ROCK1: variants seen among roughly 807,000 people sequenced by gnomAD.
The protein encoded by ROCK1 is rho-associated protein kinase 1.
A neutral mutation model predicts 196.8 loss-of-function variants in ROCK1; 36 were observed. That is an observed-to-expected ratio of 0.18 (90% CI 0.14 to 0.24). ROCK1 has a LOEUF of 0.24. ROCK1 is among the 10% of genes least tolerant of loss of function. ROCK1 has a pLI of 1.00. For missense variants in ROCK1, 920 were observed against 1,562.0 expected (o/e 0.59, Z 6.93); for synonymous variants, 443 against 515.9 (o/e 0.86, Z 1.91).
chr18:20,959,119 T>TATATTATATAA (rs2035294431), intron 29 of ROCK1, among the ~76,000 whole-genome samples: 4 of 54,658 alleles, frequency 7.3e-5, no homozygotes, highest in East Asian at 1.2e-3. Flanking sequence ...ATATATTATA[T>TATATTATATAA]AATATATATA....
intron 21 of ROCK1, 42 bp downstream of exon 21, chr18:20,982,721 G>C (rs1352390885): frequency 3.3e-6 from 3 of 907,564 alleles, no homozygotes; most frequent in African/African-American, 3.3e-5. Flanking sequence ...TTTTAAGTCA[G>C]GTTTTGAAAC....
At chr18:21,047,659 T>C (rs1302156681) in intron 4 of ROCK1, among the ~76,000 whole-genome samples, 6 of 152,096 alleles carry the variant, frequency 3.9e-5, no homozygotes, top group Admixed American at 1.3e-4. Flanking sequence ...CCGGGCGTGG[T>C]GGCAGGCACC....
intron 2 of ROCK1, among the ~76,000 whole-genome samples, chr18:21,057,650 C>T (rs535671316): frequency 6.2e-4 from 93 of 150,064 alleles, no homozygotes; most frequent in Admixed American, 2.1e-3. Flanking sequence ...GGCAAAACCC[C>T]GTCTCTACTA....
chr18:21,073,063 CAAAAAAAAAAAAAAA>C (rs541290068), intron 1 of ROCK1, among the ~76,000 whole-genome samples: 8 of 32,744 alleles, frequency 2.4e-4, no homozygotes, highest in East Asian at 2.3e-3. Flanking sequence ...ACTCCGTCTC[CAAAAAAAAAAAAAAA>C]AAAAAAAAAA....
At chr18:21,014,526 A>G (rs1361723315) in intron 13 of ROCK1, among the ~76,000 whole-genome samples, 1 of 152,236 alleles carries the variant, frequency 6.6e-6, no homozygotes, top group Non-Finnish European at 1.5e-5. Context: ...AAAATGAATA[A>G]CTTAAATCTA....
intron 1 of ROCK1, among the ~76,000 whole-genome samples, chr18:21,077,602 G>C (rs2036445107): frequency 5.6e-5 from 1 of 17,942 alleles, no homozygotes. Flanking sequence ...GAGGAGAAGT[G>C]GGGCGAGACT....
intron 2 of ROCK1, among the ~76,000 whole-genome samples, chr18:21,070,315 T>G (rs1460965914): frequency 1.3e-5 from 2 of 152,152 alleles, no homozygotes; most frequent in African/African-American, 4.8e-5. Context: ...TTTTGAATAC[T>G]TATTTTAACT....
At chr18:21,028,699 A>T in intron 10 of ROCK1, 77 bp downstream of exon 10, 1 of 1,285,840 alleles carries the variant, frequency 7.8e-7, no homozygotes, top group Non-Finnish European at 1.1e-6. Context: ...CATTAAATCT[A>T]CTTTAAAAAT....
intron 1 of ROCK1, among the ~76,000 whole-genome samples, chr18:21,076,441 T>C (rs1358500531): frequency 2.6e-5 from 4 of 152,140 alleles, no homozygotes; most frequent in African/African-American, 7.2e-5. Context: ...GAGGTGGAGA[T>C]TGCAGTGAGC....
At chr18:20,954,682 T>A in intron 31 of ROCK1, 101 bp downstream of exon 31, 2 of 1,189,780 alleles carry the variant, frequency 1.7e-6, no homozygotes, top group Admixed American at 5.5e-5. Context: ...CTTTCTATAA[T>A]CTCTTTTCAA....
chr18:21,110,738 T>C (rs539536149), intron 1 of ROCK1, 80 bp downstream of exon 1: 21 of 1,154,604 alleles, frequency 1.8e-5, no homozygotes, highest in Admixed American at 1.1e-4. Context: ...CCTGAGACTT[T>C]TGCAGCGAAC....
chr18:20,998,484 A>C (rs927200207), intron 16 of ROCK1, among the ~76,000 whole-genome samples: 23 of 152,174 alleles, frequency 1.5e-4, no homozygotes, highest in African/African-American at 5.5e-4. Context: ...ACCATGAAGA[A>C]ATCCAAAACC....
intron 1 of ROCK1, among the ~76,000 whole-genome samples, chr18:21,077,956 G>A (rs376986522): frequency 1.3e-5 from 2 of 152,116 alleles, no homozygotes; most frequent in African/African-American, 2.4e-5. Context: ...TCACAGTAAG[G>A]AATAGTCTTT....
intron 27 of ROCK1, among the ~76,000 whole-genome samples, chr18:20,964,954 A>G (rs2143348635): frequency 6.6e-6 from 1 of 152,316 alleles, no homozygotes; most frequent in South Asian, 2.1e-4. Flanking sequence ...TCTTCTAACT[A>G]GCATTCACCA....
At chr18:20,961,354 CTGATT>C (rs899098615) in intron 27 of ROCK1, among the ~76,000 whole-genome samples, 4 of 152,130 alleles carry the variant, frequency 2.6e-5, no homozygotes, top group Non-Finnish European at 5.9e-5. Flanking sequence ...GTAACATTTA[CTGATT>C]TATTTATTCA....
At chr18:20,974,393 G>T (rs891105101) in intron 22 of ROCK1, among the ~76,000 whole-genome samples, 2 of 152,130 alleles carry the variant, frequency 1.3e-5, no homozygotes, top group African/African-American at 4.8e-5. Context: ...AGGGCTTCAG[G>T]TTCACGACAT....
chr18:21,091,969 G>A (rs2036574084), intron 1 of ROCK1, among the ~76,000 whole-genome samples: 2 of 151,972 alleles, frequency 1.3e-5, no homozygotes, highest in Non-Finnish European at 2.9e-5. Context: ...AACAGAGCGA[G>A]ACGCTGTCTC....
rs1253494413 is a variant in ROCK1 at position 20,969,163 on chromosome 18, T to C, written c.2866A>G (p.Arg956Gly). The C allele has an allele frequency of 6.2e-7, 1 of 1,604,722 alleles. No individual in the cohort carries two copies. ...SMLTKDIEIL[R>G]RENEELTEKM... ...TCTGTTAGCTCTTCATTCTCTCTTCTTAATATTTCAATATCTTTGGTTAGC... is the reference window on the plus strand; with the variant it reads ...TCTGTTAGCTCTTCATTCTCTCTTCCTAATATTTCAATATCTTTGGTTAGC... The change falls in exon 24 of 33, where the codon AGA becomes GGA. Residue 956 changes from arginine to glycine, a missense_variant. Coordinates refer to ENST00000399799, the MANE Select transcript of ROCK1 (RefSeq NM_005406.3).
chr18:20,969,318 C>A (rs1472619660), intron 23 of ROCK1, 110 bp from the exon 24 acceptor site: 1 of 589,140 alleles, frequency 1.7e-6, no homozygotes, highest in Non-Finnish European at 3.0e-6. Context: ...CACTGCTGAA[C>A]TACAGCAAAT....
Sources: gnomAD v4.1 joint callset for allele counts (sites outside exome capture counted in the v4.1 genomes callset) on GRCh38, gnomAD v4.1.1 for gene constraint, MANE v1.5 for transcripts, NCBI Gene and HGNC (gene_info 2026-07-23, HGNC 2026-07-21) for gene names.